The following TUBGCP6 variants were observed in gnomAD, a reference collection of about 807,000 sequenced individuals.
TUBGCP6 encodes the protein tubulin gamma complex component 6, also known as gamma-tubulin complex component 6.
TUBGCP6 carries 161 observed loss-of-function variants against 175.8 expected under a neutral mutation model. The ratio of observed to expected loss-of-function variants is 0.92; its 90% CI spans 0.81 to 1.04. The LOEUF (loss-of-function observed/expected upper bound fraction) is 1.04. TUBGCP6 is among the 50% of genes least tolerant of loss of function. TUBGCP6 has a pLI of 0.00. For missense variants in TUBGCP6, 2,572 were observed against 2,433.0 expected (o/e 1.06, Z -1.20); for synonymous variants, 1,173 against 1,030.5 (o/e 1.14, Z -2.65).
At position 50,244,090 on chromosome 22, in the gene TUBGCP6, G is replaced by C. The variant is rs766054611; in HGVS notation, c.370C>G (p.Gln124Glu). 4 of 1,613,882 alleles carry C rather than the reference G, an allele frequency of 2.5e-6. No individual in the cohort carries two copies. The East Asian group carries it at 8.9e-5, about 36-fold the overall frequency. Residue 124 changes from glutamine to glutamate, a missense_variant, in exon 1 of 25, where the codon CAA (glutamine) becomes GAA (glutamate). Physicochemically the swap from Gln to Glu is conservative, Grantham distance 29 (BLOSUM62 2). Transcript: ENST00000248846. Reference protein sequence around the residue: ...LVQLAGSGPPQVLPRKRDYFL... With the variant: ...LVQLAGSGPPEVLPRKRDYFL... ...TAGTCTCGTTTTCTCGGCAGAACTT[G>C]AGGGGGACCACTCCCTGCCAGCTGA...
Position 50,222,139 on chromosome 22 carries a change from G to C in TUBGCP6, c.2410-37C>G, listed in dbSNP as rs1214568396. ...GCCAGAGGGGTGACTGGCCAAGCCGGAGTCAAGCACAGCCCTACCCCACAC... is the reference window on the plus strand; with the variant it reads ...GCCAGAGGGGTGACTGGCCAAGCCGCAGTCAAGCACAGCCCTACCCCACAC... On this transcript the variant is annotated intron_variant, in intron 14 of 24. Transcript: ENST00000248846. 1.9e-6 allele frequency: 3 copies of C among 1,603,944 alleles called. No individual in the cohort carries two copies. In the Admixed American group the frequency reaches 5.0e-5, roughly 27 times the overall value.
Position 50,226,416 on chromosome 22 carries a change from G to A in TUBGCP6, c.1602-38C>T, listed in dbSNP as rs766142671. ...AAAAGCAGGGGTAGATGTGGTCAAC[G>A]GAGAGGTGGGTGGGGCGTGGCTGTC... On this transcript the variant is annotated intron_variant, in intron 7 of 24. Coordinates refer to ENST00000248846, the MANE Select transcript of TUBGCP6 (RefSeq NM_020461.4). 46 of 1,560,122 alleles carry A rather than the reference G, an allele frequency of 2.9e-5. No homozygotes were observed. In the East Asian group the frequency reaches 4.7e-4, roughly 16 times the overall value.
intron 10 of TUBGCP6, 73 bp from the exon 11 acceptor site, chr22:50,224,665 G>T: frequency 1.4e-6 from 2 of 1,478,832 alleles, no homozygotes; most frequent in Non-Finnish European, 1.9e-6. Flanking sequence ...CTGGCACTTT[G>T]GGAGGCCGAG....
intron 3 of TUBGCP6, among the ~76,000 whole-genome samples, chr22:50,231,104 A>G (rs1200604914): frequency 6.7e-6 from 1 of 149,602 alleles, no homozygotes; most frequent in Non-Finnish European, 1.5e-5. Flanking sequence ...AAAAAAAAAA[A>G]AGCAGTTAAA....
At chr22:50,229,032 A>T (rs2064655155) in intron 4 of TUBGCP6, among the ~76,000 whole-genome samples, 1 of 152,156 alleles carries the variant, frequency 6.6e-6, no homozygotes, top group Non-Finnish European at 1.5e-5. Context: ...CCAGCAATGT[A>T]AATTCACCCA....
chr22:50,234,313 T>G (rs551261994), intron 2 of TUBGCP6, among the ~76,000 whole-genome samples: 269 of 25,164 alleles, frequency 0.011, 1 homozygote, highest in Admixed American at 0.025. Flanking sequence ...CATGGCAGCA[T>G]CATCCACACC....
chr22:50,241,242 AAG>A (rs560761759), intron 1 of TUBGCP6, among the ~76,000 whole-genome samples: 7 of 152,110 alleles, frequency 4.6e-5, no homozygotes, highest in South Asian at 4.1e-4. Flanking sequence ...ACCAGAAGAC[AAG>A]AGTGTGAGCC....
In TUBGCP6 at chr22:50,243,900, C is replaced by T. The variant is rs757874354; in HGVS notation, c.560G>A (p.Gly187Asp). 2.5e-6 allele frequency: 4 copies of T among 1,613,926 alleles called. No individual in the cohort carries two copies. The highest frequency in any genetic ancestry group is 3.4e-6 in the Non-Finnish European group (4 of 1,180,028). ...GAGCCCGACGGTGGGCAGGCCAGTGCCTGGAGCAGCCTCCATAACCTGAAG... is the reference window on the plus strand; with the variant it reads ...GAGCCCGACGGTGGGCAGGCCAGTGTCTGGAGCAGCCTCCATAACCTGAAG... The part of the protein sequence containing the change: ...ETLQVMEAAP[G>D]TGLPTVGLFS... Residue 187 changes from glycine (G) to aspartate (D), a missense_variant, in exon 1 of 25, where the codon GGC (glycine) becomes GAC (aspartate). Transcript: ENST00000248846.
intron 1 of TUBGCP6, among the ~76,000 whole-genome samples, chr22:50,241,324 C>T (rs953298207): frequency 2.0e-5 from 3 of 152,098 alleles, no homozygotes; most frequent in Non-Finnish European, 2.9e-5. Flanking sequence ...CCTGGGAAGA[C>T]GCCCATTACC....
intron 2 of TUBGCP6, among the ~76,000 whole-genome samples, chr22:50,235,532 A>C (rs962614737): frequency 1.3e-5 from 2 of 152,252 alleles, no homozygotes; most frequent in African/African-American, 4.8e-5. Context: ...GCCATCACAA[A>C]ACACTGTCTC....
rs556993424 is a variant in TUBGCP6 at position 50,244,628 on chromosome 22, G to C, written c.-169C>G. The C allele has an allele frequency of 1.3e-5, 15 of 1,197,876 alleles. No homozygotes were observed. Among genetic ancestry groups the C allele is most frequent in the African/African-American group, 1.5e-5 (1 of 65,064 alleles). 74.2% of individuals were successfully genotyped at this position (1,197,876 alleles called of 1,614,324 possible). Reference sequence around the variant, plus strand: ...ATTTTTTAAAGGAGGTCTTGCGGTTGCTCTACTCAGAGTAAACACGCCCTG... The same window carrying C: ...ATTTTTTAAAGGAGGTCTTGCGGTTCCTCTACTCAGAGTAAACACGCCCTG... On this transcript the variant is annotated 5_prime_UTR_variant, in exon 1 of 25. Coordinates refer to ENST00000248846, the MANE Select transcript of TUBGCP6 (RefSeq NM_020461.4).
intron 3 of TUBGCP6, among the ~76,000 whole-genome samples, chr22:50,230,982 T>C (rs1303111368): frequency 1.4e-5 from 2 of 144,192 alleles, no homozygotes; most frequent in Non-Finnish European, 3.0e-5. Flanking sequence ...CTCAGGAGGC[T>C]GAGGCAGGAG....
rs764103290 is a variant in TUBGCP6 at position 50,218,485 on chromosome 22, C to T, written c.4954+3G>A. On this transcript the variant is annotated splice_donor_region_variant and intron_variant, in intron 22 of 24. Coordinates refer to ENST00000248846, the MANE Select transcript of TUBGCP6 (RefSeq NM_020461.4). ...GGGGCGCCGGGCTCCAGCGGGGCCT[C>T]ACCTGTGCGCTTGAGGTGGAAGCAG... 8.7e-6 allele frequency: 14 copies of T among 1,613,302 alleles called. No individual in the cohort carries two copies. The highest frequency in any genetic ancestry group is 5.0e-5 in the Admixed American group (3 of 60,008).
Position 50,219,957 on chromosome 22 carries a change from C to T in TUBGCP6, c.4167G>A (p.Gln1389=). The T allele has an allele frequency of 1.2e-6, 2 of 1,614,062 alleles. No homozygotes were observed. The highest frequency in any genetic ancestry group is 1.7e-6 in the Non-Finnish European group (2 of 1,179,968). The change falls in exon 17 of 25, where the codon CAG becomes CAA. Residue 1389 remains glutamine (Q), a splice_region_variant and synonymous_variant. Coordinates refer to ENST00000248846, the MANE Select transcript of TUBGCP6 (RefSeq NM_020461.4). ...DLSPNWPLNS[Q]EDTAAQSSPG... ...GACCCCCAGGCTGCATCCACCTAACCTGTGAGTTGAGAGGCCAATTTGGAG... is the reference window on the plus strand; with the variant it reads ...GACCCCCAGGCTGCATCCACCTAACTTGTGAGTTGAGAGGCCAATTTGGAG...
At chr22:50,239,016 C>A (rs547294192) in intron 2 of TUBGCP6, among the ~76,000 whole-genome samples, 1 of 152,304 alleles carries the variant, frequency 6.6e-6, no homozygotes, top group South Asian at 2.1e-4. Flanking sequence ...CCTGTCCAGG[C>A]TGCCAGAGCC....
rs753755045 is a variant in TUBGCP6, at chr22:50,244,375, TC to T, written c.84del (p.Asn29ThrfsTer49). 4 of 1,613,340 alleles carry T rather than the reference TC, an allele frequency of 2.5e-6. No individual in the cohort carries two copies. Among genetic ancestry groups the T allele is most frequent in the Non-Finnish European group, 3.4e-6 (4 of 1,180,020 alleles). On this transcript the variant is annotated frameshift_variant, in exon 1 of 25. Transcript: ENST00000248846. LOFTEE classifies it high-confidence loss of function. ...AGGCTCCGCTTTGCCCTCTTCCGGT[TC>T]ACACTGCGCTGGCCCAGGTGAGTCT... ...AAKTHLGQRS[V>X]NRKRAKRSLK...
At position 50,244,571 on chromosome 22, in the gene TUBGCP6, C is replaced by G; in HGVS notation, c.-112G>C. On this transcript the variant is annotated 5_prime_UTR_variant, in exon 1 of 25. Coordinates refer to ENST00000248846, the MANE Select transcript of TUBGCP6 (RefSeq NM_020461.4). ...GGGTCCGAAGAGGCTGAATGACAGG[C>G]GGCCTCTCCAATGCCGAAGCTCAGA... 1.4e-6 allele frequency: 2 copies of G among 1,438,422 alleles called. No homozygotes were observed. Among genetic ancestry groups the G allele is most frequent in the South Asian group, 2.9e-5 (2 of 68,714 alleles). 89.1% of individuals were successfully genotyped at this position (1,438,422 alleles called of 1,614,324 possible).
intron 1 of TUBGCP6, 90 bp from the exon 2 acceptor site, chr22:50,240,457 G>A (rs2064826311): frequency 6.8e-7 from 1 of 1,471,292 alleles, no homozygotes; most frequent in South Asian, 1.2e-5. Flanking sequence ...TTTATGCAAA[G>A]ACCTAACAAA....
At chr22:50,237,112 G>A (rs932327051) in intron 2 of TUBGCP6, among the ~76,000 whole-genome samples, 21 of 152,200 alleles carry the variant, frequency 1.4e-4, no homozygotes, top group African/African-American at 3.9e-4. Context: ...ACCATTCCAG[G>A]GTCTGAAAGG....
Sources: gnomAD v4.1 joint callset for allele counts (sites outside exome capture counted in the v4.1 genomes callset) on GRCh38, gnomAD v4.1.1 for gene constraint, MANE v1.5 for transcripts, NCBI Gene and HGNC (gene_info 2026-07-23, HGNC 2026-07-21) for gene names.